The following BAZ1B variants were observed in gnomAD, a reference collection of about 807,000 sequenced individuals.
The protein encoded by BAZ1B is bromodomain adjacent to zinc finger domain 1B.
BAZ1B carries 22 observed loss-of-function variants against 153.8 expected under a neutral mutation model. That is an observed-to-expected ratio of 0.14 (90% CI 0.10 to 0.20). The LOEUF (loss-of-function observed/expected upper bound fraction) is 0.20, where lower values mean the gene tolerates loss of function less well. Among genes scored for constraint, BAZ1B ranks in the 10% least tolerant of loss-of-function variants. BAZ1B has a pLI of 1.00. For missense variants in BAZ1B, 1,325 were observed against 1,799.3 expected (o/e 0.74, Z 4.77); for synonymous variants, 676 against 633.4 (o/e 1.07, Z -1.01).
intron 17 of BAZ1B, among the ~76,000 whole-genome samples, chr7:73,443,216 C>A (rs1462127698): frequency 7.9e-5 from 12 of 152,210 alleles, no homozygotes; most frequent in Admixed American, 6.5e-4. Flanking sequence ...CTGCAGAAAG[C>A]AAAACATGCT....
chr7:73,514,557 A>T (rs1229388698), intron 1 of BAZ1B, among the ~76,000 whole-genome samples: 5 of 151,682 alleles, frequency 3.3e-5, no homozygotes, highest in Non-Finnish European at 4.4e-5. Flanking sequence ...AAAACTGCAT[A>T]GTGGCAGTTT....
At chr7:73,490,897 G>A (rs1199162707) in intron 5 of BAZ1B, among the ~76,000 whole-genome samples, 1 of 151,814 alleles carries the variant, frequency 6.6e-6, no homozygotes, top group Non-Finnish European at 1.5e-5. Context: ...GAGCCACCGT[G>A]CCTGGCCTAA....
chr7:73,485,613 AG>A (rs1444351184), intron 6 of BAZ1B, among the ~76,000 whole-genome samples: 1 of 147,858 alleles, frequency 6.8e-6, no homozygotes, highest in Non-Finnish European at 1.5e-5. Flanking sequence ...AGACAGCATA[AG>A]GCCTACCTCA....
intron 7 of BAZ1B, among the ~76,000 whole-genome samples, chr7:73,474,550 G>A (rs895448761): frequency 4.6e-5 from 7 of 152,188 alleles, no homozygotes; most frequent in South Asian, 2.1e-4. Flanking sequence ...CAAGGCGTGC[G>A]GATCACCTGA....
intron 7 of BAZ1B, among the ~76,000 whole-genome samples, chr7:73,472,937 C>G (rs573845842): frequency 6.6e-6 from 1 of 150,518 alleles, no homozygotes; most frequent in South Asian, 2.1e-4. Flanking sequence ...CCACACCCAG[C>G]TGATCTTTTT....
chr7:73,447,143 C>T, intron 16 of BAZ1B, 121 bp downstream of exon 16: 2 of 1,567,130 alleles, frequency 1.3e-6, no homozygotes, highest in South Asian at 2.3e-5. Flanking sequence ...GCCACAGTCA[C>T]AACACAAGAG....
At chr7:73,461,864 A>G (rs934395973) in intron 12 of BAZ1B, among the ~76,000 whole-genome samples, 1 of 152,182 alleles carries the variant, frequency 6.6e-6, no homozygotes, top group South Asian at 2.1e-4. Context: ...CTGAGGTAGG[A>G]GGATCTCATG....
chr7:73,456,541 G>A (rs1788206748), intron 13 of BAZ1B, among the ~76,000 whole-genome samples: 1 of 152,146 alleles, frequency 6.6e-6, no homozygotes, highest in Non-Finnish European at 1.5e-5. Flanking sequence ...ATAAGCACAT[G>A]AAAAGATGCT....
At chr7:73,442,697 C>T in intron 18 of BAZ1B, 28 bp downstream of exon 18, 1 of 1,608,350 alleles carries the variant, frequency 6.2e-7, no homozygotes, top group Non-Finnish European at 8.5e-7. Context: ...CCACTCCTCT[C>T]CCCTGCACCT....
Position 73,444,281 on chromosome 7 carries a change from C to T in BAZ1B, c.3845-152G>A, listed in dbSNP as rs903532481. On this transcript the variant is annotated intron_variant, in intron 16 of 19. Coordinates refer to ENST00000339594, the MANE Select transcript of BAZ1B (RefSeq NM_032408.4). ...TTTTAAGGTGCTCTTGCTATTTTATCTTGCCTTACCTAACAGGACACTAAA... is the reference window on the plus strand; with the variant it reads ...TTTTAAGGTGCTCTTGCTATTTTATTTTGCCTTACCTAACAGGACACTAAA... 1.1e-5 allele frequency: 10 copies of T among 878,722 alleles called. No homozygotes were observed. In the South Asian group the frequency reaches 1.6e-4, roughly 14 times the overall value. 54.4% of individuals were successfully genotyped at this position (878,722 alleles called of 1,614,324 possible).
Position 73,489,196 on chromosome 7 carries a change from T to C in BAZ1B, c.889A>G (p.Lys297Glu). The C allele has an allele frequency of 1.9e-6, 3 of 1,614,076 alleles. No individual in the cohort carries two copies. Among genetic ancestry groups the C allele is most frequent in the Non-Finnish European group, 2.5e-6 (3 of 1,179,922 alleles). Residue 297 changes from lysine (K) to glutamate (E), a missense_variant and splice_region_variant, in exon 6 of 20, where the codon AAG becomes GAG. Around this residue, in one of 9 missense-constraint regions of BAZ1B, gnomAD observed 219 missense variants for 248.2 expected, o/e 0.88. Coordinates refer to ENST00000339594, the MANE Select transcript of BAZ1B (RefSeq NM_032408.4). ...KFSDFLLDPY[K>E]YMTLNPSTKR... ...CCAAAAATTAACAGTGACCTTACCT[T>C]GTATGGATCAAGTAAAAAGTCACTG...
intron 6 of BAZ1B, among the ~76,000 whole-genome samples, chr7:73,479,014 T>C (rs1789098848): frequency 6.6e-6 from 1 of 152,204 alleles, no homozygotes; most frequent in South Asian, 2.1e-4. Context: ...ATTTTCATCC[T>C]TTCACTGTTG....
intron 13 of BAZ1B, among the ~76,000 whole-genome samples, chr7:73,451,806 T>C (rs781927169): frequency 1.1e-4 from 17 of 152,246 alleles, no homozygotes; most frequent in Non-Finnish European, 2.1e-4. Context: ...CACAGCTGCC[T>C]TGCTGTCTTC....
intron 6 of BAZ1B, among the ~76,000 whole-genome samples, chr7:73,487,022 C>A (rs1789438195): frequency 6.6e-6 from 1 of 152,070 alleles, no homozygotes; most frequent in Non-Finnish European, 1.5e-5. Context: ...AAATAATAAA[C>A]CTGAGTATAT....
chr7:73,442,475 G>A lies in BAZ1B; in HGVS notation c.4173C>T (p.Asn1391=). The A allele has an allele frequency of 1.2e-6, 2 of 1,614,222 alleles. No individual in the cohort carries two copies. Among genetic ancestry groups the A allele is most frequent in the South Asian group, 1.1e-5 (1 of 91,090 alleles). The part of the protein sequence containing the change: ...THPMDFQTVQ[N]KCSCGSYRSV... ...AGCGGTAGCTCCCACAGGAACATTT[G>A]TTCTGCACTGTCTGAAAGTCCATGG... Residue 1391 remains asparagine, a synonymous_variant, in exon 19 of 20, where the codon AAC becomes AAT. Transcript: ENST00000339594.
At chr7:73,488,449 C>T (rs531307952) in intron 6 of BAZ1B, among the ~76,000 whole-genome samples, 35 of 152,122 alleles carry the variant, frequency 2.3e-4, no homozygotes, top group Non-Finnish European at 4.7e-4. Flanking sequence ...TACTCCTTCT[C>T]GGCCAGGCAT....
intron 4 of BAZ1B, among the ~76,000 whole-genome samples, chr7:73,494,925 T>C (rs1554576212): frequency 6.6e-6 from 1 of 152,198 alleles, no homozygotes; most frequent in African/African-American, 2.4e-5. Flanking sequence ...ACAATTCTTG[T>C]TTACCTGCCT....
Position 73,447,254 on chromosome 7 carries a change from A to G in BAZ1B, c.3844+10T>C. ...GTGAAATCAACTACAAAGGCAGACA[A>G]AATACTTACATCGCAAACCAGCCAC... On this transcript the variant is annotated intron_variant, in intron 16 of 19. Coordinates refer to ENST00000339594, the MANE Select transcript of BAZ1B (RefSeq NM_032408.4). 1 of 1,613,526 alleles carries G rather than the reference A, an allele frequency of 6.2e-7. No individual in the cohort carries two copies. The highest frequency in any genetic ancestry group is 8.5e-7 in the Non-Finnish European group (1 of 1,179,880).
chr7:73,508,278 C>T, intron 3 of BAZ1B, 49 bp downstream of exon 3: 1 of 1,587,016 alleles, frequency 6.3e-7, no homozygotes, highest in South Asian at 1.1e-5. Flanking sequence ...CCTACGATGA[C>T]AGCTCTAATT....
Sources: gnomAD v4.1 joint callset for allele counts (sites outside exome capture counted in the v4.1 genomes callset) on GRCh38, gnomAD v4.1.1 for gene constraint, gnomAD v4.1.1 regional missense constraint, MANE v1.5 for transcripts, NCBI Gene and HGNC (gene_info 2026-07-23, HGNC 2026-07-21) for gene names.